The following C1orf105 variants were observed in gnomAD, a reference collection of about 807,000 sequenced individuals.
The protein encoded by C1orf105 is chromosome 1 open reading frame 105.
C1orf105 carries 17 observed loss-of-function variants against 20.8 expected under a neutral mutation model. The observed-to-expected ratio is 0.82, with a 90% CI of 0.56 to 1.23. The LOEUF is 1.23. Among genes scored for constraint, C1orf105 ranks in the 50% most tolerant of loss-of-function variants. C1orf105 has a pLI of 0.00. For missense variants in C1orf105, 219 were observed against 213.5 expected, an observed-to-expected ratio of 1.03 and a Z score of -0.16; for synonymous variants, 72 against 72.1, an observed-to-expected ratio of 1.00 and a Z score of 0.01.
intron 1 of C1orf105, among the ~76,000 whole-genome samples, chr1:172,430,686 C>T (rs1400342532): frequency 6.6e-6 from 1 of 152,036 alleles, no homozygotes; most frequent in African/African-American, 2.4e-5. Context: ...AGCAATTTTC[C>T]CACCTCAGCC....
intron 6 of C1orf105, 154 bp downstream of exon 6, chr1:172,465,517 G>A: frequency 1.4e-6 from 1 of 714,876 alleles, no homozygotes; most frequent in East Asian, 2.8e-5. Flanking sequence ...TGACCTGCTG[G>A]AATTGGTTCA....
chr1:172,434,089 C>A (rs541458899), intron 1 of C1orf105, among the ~76,000 whole-genome samples: 2 of 152,278 alleles, frequency 1.3e-5, no homozygotes, highest in South Asian at 4.2e-4. Flanking sequence ...TAAAGGAGCA[C>A]CCAGATTCAT....
At chr1:172,443,857 TG>T in intron 1 of C1orf105, 1 of 591,270 alleles carries the variant, frequency 1.7e-6, no homozygotes, top group Non-Finnish European at 2.2e-6. Flanking sequence ...TTCACTCTTC[TG>T]GCACCCCATT....
At chr1:172,431,429 A>C (rs2071870838) in intron 1 of C1orf105, 1 of 219,424 alleles carries the variant, frequency 4.6e-6, no homozygotes, top group South Asian at 1.8e-4. Context: ...AACTCTTCTC[A>C]ATTTAACAAA....
At chr1:172,457,699 A>T in intron 4 of C1orf105, among the ~76,000 whole-genome samples, 1 of 152,204 alleles carries the variant, frequency 6.6e-6, no homozygotes, top group East Asian at 1.9e-4. Context: ...CAGCTGGCAC[A>T]CTTGGGACAT....
intron 4 of C1orf105, among the ~76,000 whole-genome samples, chr1:172,456,802 C>G (rs1435424492): frequency 6.6e-6 from 1 of 152,136 alleles, no homozygotes; most frequent in Non-Finnish European, 1.5e-5. Context: ...AGCTCCTTCT[C>G]CCTCCTTAAT....
intron 3 of C1orf105, among the ~76,000 whole-genome samples, chr1:172,455,896 C>T (rs983184004): frequency 1.3e-5 from 2 of 152,018 alleles, no homozygotes; most frequent in Admixed American, 6.6e-5. Flanking sequence ...GTTTCTGGCC[C>T]AGAGTTAAGG....
At chr1:172,445,757 C>T (rs758820136) in intron 2 of C1orf105, among the ~76,000 whole-genome samples, 2 of 152,134 alleles carry the variant, frequency 1.3e-5, no homozygotes, top group East Asian at 1.9e-4. Flanking sequence ...ATAAACCCCA[C>T]TCTGGGAAGG....
chr1:172,431,198 T>C (rs1016622540), intron 1 of C1orf105: 2 of 430,730 alleles, frequency 4.6e-6, no homozygotes, highest in Non-Finnish European at 8.2e-6. Context: ...AGAAGGCATA[T>C]CAAAAGCCGA....
intron 1 of C1orf105, among the ~76,000 whole-genome samples, chr1:172,444,575 C>A (rs983864975): frequency 2.0e-5 from 3 of 152,188 alleles, no homozygotes; most frequent in Non-Finnish European, 2.9e-5. Context: ...GAGGACAAAT[C>A]TAAGGCTCAG....
chr1:172,420,770 C>CA lies in C1orf105; in HGVS notation c.-110dup. 2 of 1,068,786 alleles carry CA rather than the reference C, an allele frequency of 1.9e-6. No homozygotes were observed. Among genetic ancestry groups the CA allele is most frequent in the Non-Finnish European group, 1.4e-6 (1 of 716,262 alleles). 66.2% of individuals were successfully genotyped at this position (1,068,786 alleles called of 1,614,324 possible). A position where few individuals can be genotyped will look rare whatever the true frequency, so the allele number is the denominator to read the frequency against. ...CTGGCCTGTTTACTTCGTCTCCTAACAAAAAACACTTTGGATTCAGGTTCT... is the reference window on the plus strand; with the variant it reads ...CTGGCCTGTTTACTTCGTCTCCTAACAAAAAAACACTTTGGATTCAGGTTCT... On this transcript the variant is annotated 5_prime_UTR_variant, in exon 1 of 7. Coordinates refer to ENST00000367727, the MANE Select transcript of C1orf105 (RefSeq NM_139240.4).
intron 1 of C1orf105, chr1:172,441,869 C>G: frequency 6.2e-7 from 1 of 1,614,050 alleles, no homozygotes; most frequent in South Asian, 1.1e-5. Context: ...GCAAAGAGTA[C>G]GGCTCCCACA....
chr1:172,450,204 G>A (rs1386744118), intron 3 of C1orf105, among the ~76,000 whole-genome samples: 1 of 152,200 alleles, frequency 6.6e-6, no homozygotes, highest in Non-Finnish European at 1.5e-5. Flanking sequence ...GCTCTTATTG[G>A]GAGAGAACAC....
intron 4 of C1orf105, among the ~76,000 whole-genome samples, chr1:172,460,915 G>T (rs1025341879): frequency 6.6e-6 from 1 of 152,200 alleles, no homozygotes; most frequent in Admixed American, 6.5e-5. Flanking sequence ...TTCTGATGCA[G>T]CCCCTGTAGC....
At chr1:172,422,280 T>G (rs1243199962) in intron 1 of C1orf105, among the ~76,000 whole-genome samples, 1 of 152,154 alleles carries the variant, frequency 6.6e-6, no homozygotes, top group African/African-American at 2.4e-5. Flanking sequence ...GTCTTGCAAC[T>G]TGGATACCAG....
intron 3 of C1orf105, among the ~76,000 whole-genome samples, chr1:172,452,336 G>A (rs1171663305): frequency 6.6e-6 from 1 of 152,184 alleles, no homozygotes; most frequent in African/African-American, 2.4e-5. Flanking sequence ...TGAACCAAGT[G>A]TCCTATCAGG....
chr1:172,448,133 A>C (rs1215232234), intron 2 of C1orf105, among the ~76,000 whole-genome samples: 1 of 152,246 alleles, frequency 6.6e-6, no homozygotes, highest in Non-Finnish European at 1.5e-5. Flanking sequence ...GACCCTTTCA[A>C]AGAGGAAACC....
At chr1:172,460,562 TA>T (rs1413490217) in intron 4 of C1orf105, among the ~76,000 whole-genome samples, 1 of 152,136 alleles carries the variant, frequency 6.6e-6, no homozygotes, top group Non-Finnish European at 1.5e-5. Context: ...AGATATTCTC[TA>T]ACATATATTA....
intron 4 of C1orf105, among the ~76,000 whole-genome samples, chr1:172,457,787 C>T (rs1649398833): frequency 6.6e-6 from 1 of 152,208 alleles, no homozygotes; most frequent in Non-Finnish European, 1.5e-5. Flanking sequence ...GAGCCACATG[C>T]TGCAATTTTA....
Sources: gnomAD v4.1 joint callset for allele counts (sites outside exome capture counted in the v4.1 genomes callset) on GRCh38, gnomAD v4.1.1 for gene constraint, MANE v1.5 for transcripts, NCBI Gene and HGNC (gene_info 2026-07-23, HGNC 2026-07-21) for gene names.